SERPINB8: variants seen among roughly 807,000 people sequenced by gnomAD.
SERPINB8 encodes serpin family B member 8.
A neutral mutation model predicts 35.3 loss-of-function variants in SERPINB8; 25 were observed. The ratio of observed to expected loss-of-function variants is 0.71; its 90% CI spans 0.52 to 0.99. SERPINB8 has a LOEUF of 0.99. Ranked by LOEUF, SERPINB8 falls within the 50% of genes least tolerant of loss-of-function variation. The pLI is 0.00. For synonymous variants in SERPINB8, 186 were observed against 160.8 expected (o/e 1.16, Z -1.19); for missense variants, 484 against 446.5 (o/e 1.08, Z -0.76).
intron 1 of SERPINB8, among the ~76,000 whole-genome samples, chr18:63,994,417 G>A (rs897851176): frequency 8.6e-5 from 13 of 151,958 alleles, no homozygotes; most frequent in Non-Finnish European, 1.5e-4. Context: ...AAAACAAAAA[G>A]CCTAAAAGTC....
intron 1 of SERPINB8, among the ~76,000 whole-genome samples, chr18:63,970,789 C>T (rs549319495): frequency 2.6e-5 from 4 of 152,176 alleles, no homozygotes; most frequent in Non-Finnish European, 4.4e-5. Flanking sequence ...TCCTGTCCCC[C>T]CCCTCCGTTC....
chr18:63,975,064 T>C (rs1347799318), intron 1 of SERPINB8, among the ~76,000 whole-genome samples: 1 of 152,020 alleles, frequency 6.6e-6, no homozygotes, highest in Non-Finnish European at 1.5e-5. Context: ...CATTCAGAAC[T>C]ATTGAAACTA....
At chr18:64,003,020 C>A (rs887288068) in intron 1 of SERPINB8, among the ~76,000 whole-genome samples, 20 of 152,300 alleles carry the variant, frequency 1.3e-4, no homozygotes, top group African/African-American at 4.8e-4. Context: ...GCCGTCTGAC[C>A]GCATTTCCAT....
At chr18:63,990,071 G>GTTT (rs747683579), downstream of SERPINB8, among the ~76,000 whole-genome samples, 292 of 116,104 alleles carry the variant, frequency 2.5e-3, 5 homozygotes, top group Non-Finnish European at 3.4e-3. Flanking sequence ...TTGTTTTCGT[G>GTTT]TTTTTTTTTT....
chr18:63,999,882 T>C (rs775707089), intron 1 of SERPINB8, among the ~76,000 whole-genome samples: 1 of 152,182 alleles, frequency 6.6e-6, no homozygotes, highest in Non-Finnish European at 1.5e-5. Context: ...TCTTTGCTCA[T>C]GTGTATGCTC....
intron 6 of SERPINB8, chr18:63,986,239 C>T (rs1387933509): frequency 6.2e-7 from 1 of 1,608,146 alleles, no homozygotes; most frequent in Non-Finnish European, 8.5e-7. Context: ...TTTTTTCTTT[C>T]TACCTTATTG....
At chr18:64,016,732 CTTG>C (rs1394166707) in intron 7 of SERPINB8, among the ~76,000 whole-genome samples, 1 of 152,122 alleles carries the variant, frequency 6.6e-6, no homozygotes, top group Admixed American at 6.5e-5. Flanking sequence ...GAGCATACAT[CTTG>C]TTGGTGGAAG....
intron 1 of SERPINB8, among the ~76,000 whole-genome samples, chr18:63,976,456 A>G (rs759471933): frequency 6.6e-6 from 1 of 152,208 alleles, no homozygotes; most frequent in Non-Finnish European, 1.5e-5. Flanking sequence ...ACTGGTTGAT[A>G]GGGATGCTAT....
downstream of SERPINB8, among the ~76,000 whole-genome samples, chr18:63,992,080 T>G (rs2050827604): frequency 6.6e-6 from 1 of 152,224 alleles, no homozygotes; most frequent in Admixed American, 6.5e-5. Flanking sequence ...ATGAGAGACA[T>G]TAGTCTGTAC....
chr18:63,985,357 A>T, intron 6 of SERPINB8, 112 bp downstream of exon 6: 1 of 1,140,796 alleles, frequency 8.8e-7, no homozygotes, highest in Non-Finnish European at 1.2e-6. Flanking sequence ...TATTACAGGC[A>T]GTGCTGGGTG....
chr18:64,000,246 A>T (rs1458615392), intron 1 of SERPINB8, among the ~76,000 whole-genome samples: 1 of 152,184 alleles, frequency 6.6e-6, no homozygotes, highest in Admixed American at 6.5e-5. Context: ...AGTCCTTATC[A>T]TCCTATTTGG....
rs1384409771 is a variant in SERPINB8 at position 63,988,204 on chromosome 18, T to C, written c.*926T>C. The C allele has an allele frequency of 6.6e-6, 1 of 152,244 alleles. No individual in the cohort carries two copies. The highest frequency in any genetic ancestry group is 1.5e-5 in the Non-Finnish European group (1 of 68,032). 9.4% of individuals were successfully genotyped at this position (152,244 alleles called of 1,614,324 possible). A position where few individuals can be genotyped will look rare whatever the true frequency, so the allele number is the denominator to read the frequency against. The stretch of plus-strand genomic sequence containing the variant: ...GATATACATCCTTCCCTATTATGTG[T>C]ATGCAAATAGAAATTTATAAGCATT... On this transcript the variant is annotated 3_prime_UTR_variant, in exon 7 of 7. Coordinates refer to ENST00000397985, the MANE Select transcript of SERPINB8 (RefSeq NM_002640.4).
At chr18:63,974,002 A>G (rs1193104604) in intron 1 of SERPINB8, among the ~76,000 whole-genome samples, 2 of 152,174 alleles carry the variant, frequency 1.3e-5, no homozygotes, top group African/African-American at 2.4e-5. Flanking sequence ...ACTTTAAAGT[A>G]GTTTTTTCCA....
exon 8 of SERPINB8, chr18:64,019,444 T>A (rs1467189522): frequency 1.3e-5 from 2 of 152,152 alleles, no homozygotes; most frequent in Non-Finnish European, 2.9e-5. Context: ...TGCTCCCACT[T>A]CTCCTCGACT....
intron 2 of SERPINB8, 35 bp from the exon 3 acceptor site, chr18:63,979,766 C>G (rs771963241): frequency 6.2e-7 from 1 of 1,612,504 alleles, no homozygotes; most frequent in Admixed American, 1.7e-5. Flanking sequence ...AGTATAATGG[C>G]AGCGTTAAAA....
chr18:63,978,821 A>T (rs1411501906), intron 2 of SERPINB8, among the ~76,000 whole-genome samples: 1 of 152,190 alleles, frequency 6.6e-6, no homozygotes, highest in Non-Finnish European at 1.5e-5. Flanking sequence ...AACTTTTGCT[A>T]ACATTATATT....
intron 1 of SERPINB8, among the ~76,000 whole-genome samples, chr18:63,975,782 T>C (rs2144791925): frequency 1.3e-5 from 2 of 152,248 alleles, no homozygotes; most frequent in Middle Eastern, 3.4e-3. Context: ...GGAAGCGAAA[T>C]ATCTTAGGAG....
At chr18:63,983,287 C>T (rs2050700879) in intron 4 of SERPINB8, among the ~76,000 whole-genome samples, 1 of 152,208 alleles carries the variant, frequency 6.6e-6, no homozygotes, top group African/African-American at 2.4e-5. Flanking sequence ...CACTTGTCAC[C>T]TGTGTGCACT....
At chr18:64,014,253 A>C (rs546525844) in intron 7 of SERPINB8, among the ~76,000 whole-genome samples, 1 of 152,180 alleles carries the variant, frequency 6.6e-6, no homozygotes, top group African/African-American at 2.4e-5. Flanking sequence ...ATGTACCAGG[A>C]TAGGTATGGG....
Sources: allele counts gnomAD v4.1 joint callset (sites outside exome capture counted in the v4.1 genomes callset), GRCh38; gene constraint gnomAD v4.1.1; transcripts MANE v1.5; gene names NCBI Gene and HGNC (gene_info 2026-07-23, HGNC 2026-07-21).